ADCY3: variants seen among roughly 807,000 people sequenced by gnomAD.
The protein encoded by ADCY3 is adenylate cyclase 3, also known as adenylate cyclase type 3.
Under a neutral mutation model 119.4 loss-of-function variants are expected in ADCY3, and 70 were observed. The ratio of observed to expected loss-of-function variants is 0.59; its 90% CI spans 0.48 to 0.72. The LOEUF is 0.72. ADCY3 is among the 30% of genes least tolerant of loss of function. ADCY3 has a pLI of 0.00. For synonymous variants in ADCY3, 672 were observed against 621.4 expected (o/e 1.08, Z -1.21); for missense variants, 1,238 against 1,541.6 (o/e 0.80, Z 3.30).
Position 24,841,769 on chromosome 2 carries a change from G to A in ADCY3, c.957-102C>T. On this transcript the variant is annotated intron_variant, in intron 4 of 21. Coordinates refer to ENST00000679454, the MANE Select transcript of ADCY3 (RefSeq NM_004036.5). The surrounding 1 kb of genome is among the most constrained non-coding windows in gnomAD (Gnocchi z 5.8). The stretch of plus-strand genomic sequence containing the variant: ...AACCCACAGGGCAGCCAGGATCAGG[G>A]CAGGAGAAGGTCCTCCCTCACGACC... The A allele has an allele frequency of 1.2e-6, 1 of 835,792 alleles. No homozygotes were observed. The allele number at this position is 835,792 out of a possible 1,614,324, so 51.8% of individuals were successfully genotyped here.
intron 3 of ADCY3, among the ~76,000 whole-genome samples, chr2:24,861,695 A>G (rs1388719793): frequency 6.6e-6 from 1 of 152,198 alleles, no homozygotes; most frequent in Non-Finnish European, 1.5e-5. Context: ...ATCAGCCCAG[A>G]GCCCACGCCA....
At chr2:24,914,549 C>T (rs1664203239) in intron 2 of ADCY3, among the ~76,000 whole-genome samples, 1 of 152,076 alleles carries the variant, frequency 6.6e-6, no homozygotes, top group African/African-American at 2.4e-5. Flanking sequence ...GTGGCGGCCA[C>T]CTGTAATCCC....
At chr2:24,862,800 C>CA (rs1475484697) in intron 3 of ADCY3, among the ~76,000 whole-genome samples, 1 of 151,830 alleles carries the variant, frequency 6.6e-6, no homozygotes, top group Non-Finnish European at 1.5e-5. Flanking sequence ...AATTATTTTT[C>CA]AAAAAAAGTC....
chr2:24,872,162 G>C lies in ADCY3; in HGVS notation c.825+408C>G, dbSNP rs796551045. Among the ~76,000 whole-genome samples, 11 of 152,352 alleles carry C rather than the reference G, an allele frequency of 7.2e-5. No homozygotes were observed. The highest frequency in any genetic ancestry group is 2.6e-4 in the African/African-American group (11 of 41,584). On this transcript the variant is annotated intron_variant, in intron 3 of 21. Transcript: ENST00000679454. The surrounding 1 kb of genome is among the most constrained non-coding windows in gnomAD (Gnocchi z 4.4). Reference sequence around the variant, plus strand: ...GGTTGGACCAGCAAGAGTGGTGGTGGAGGCGTGACGTGAAGGAATGCCCGT... The same window carrying C: ...GGTTGGACCAGCAAGAGTGGTGGTGCAGGCGTGACGTGAAGGAATGCCCGT...
At chr2:24,896,619 C>T (rs1316012632) in intron 2 of ADCY3, among the ~76,000 whole-genome samples, 3 of 151,948 alleles carry the variant, frequency 2.0e-5, no homozygotes, top group African/African-American at 7.3e-5. Context: ...CCTGTGTTGG[C>T]TCTATCCTGT....
At chr2:24,897,297 T>C (rs75449421) in intron 2 of ADCY3, among the ~76,000 whole-genome samples, 4,509 of 151,448 alleles carry the variant, frequency 0.03, 205 homozygotes, top group African/African-American at 0.1. Flanking sequence ...CTCTCTCTCT[T>C]TGTCTCTCTC....
intron 2 of ADCY3, among the ~76,000 whole-genome samples, chr2:24,913,863 GCTCC>G (rs1664102537): frequency 6.6e-6 from 1 of 152,170 alleles, no homozygotes; most frequent in Non-Finnish European, 1.5e-5. Flanking sequence ...AGAGAATTTT[GCTCC>G]CAAATAGCCT....
At chr2:24,893,954 G>T (rs1343614460) in intron 2 of ADCY3, among the ~76,000 whole-genome samples, 1 of 152,082 alleles carries the variant, frequency 6.6e-6, no homozygotes, top group Non-Finnish European at 1.5e-5. Context: ...TATCAATATG[G>T]CTATATTTAA....
chr2:24,825,984 G>C, intron 16 of ADCY3, 61 bp downstream of exon 16: 2 of 1,532,848 alleles, frequency 1.3e-6, no homozygotes, highest in Non-Finnish European at 1.8e-6. Context: ...TCCCAGGGCT[G>C]CTTCTCAGGA....
chr2:24,838,660 A>C (rs762174472), intron 7 of ADCY3, 38 bp from the exon 8 acceptor site: 2 of 1,610,626 alleles, frequency 1.2e-6, no homozygotes, highest in African/African-American at 2.7e-5. Flanking sequence ...CGTCGGCCAG[A>C]GGTGGCCCTC....
At chr2:24,823,449 C>T (rs1668089061) in intron 17 of ADCY3, 94 bp from the exon 18 acceptor site, 2 of 1,398,354 alleles carry the variant, frequency 1.4e-6, no homozygotes, top group Non-Finnish European at 1.9e-6. Context: ...ATGACATGTG[C>T]ACTCAGCTTT....
chr2:24,902,058 G>GTA (rs1197594258), intron 2 of ADCY3, among the ~76,000 whole-genome samples: 1 of 146,720 alleles, frequency 6.8e-6, no homozygotes, highest in Non-Finnish European at 1.5e-5. Context: ...GTGTGTGTGT[G>GTA]TGTGTGTGTG....
rs952525354 is a variant in ADCY3 at position 24,819,283 on chromosome 2, A to G, written c.*649T>C. 2 of 152,696 alleles carry G rather than the reference A, an allele frequency of 1.3e-5. No homozygotes were observed. The highest frequency in any genetic ancestry group is 1.9e-4 in the East Asian group (1 of 5,208). 9.5% of individuals were successfully genotyped at this position (152,696 alleles called of 1,614,324 possible). A position where few individuals can be genotyped will look rare whatever the true frequency, so the allele number is the denominator to read the frequency against. On this transcript the variant is annotated 3_prime_UTR_variant, in exon 22 of 22. Transcript: ENST00000679454. ...GCAAGAGCTCAAAAGGCAAGGCAAT[A>G]TCGGAAAGTGTATTTAACAGAAGAT... is the stretch of plus-strand genomic sequence containing the variant.
chr2:24,844,712 T>C (rs1252503379), intron 3 of ADCY3, among the ~76,000 whole-genome samples: 1 of 152,182 alleles, frequency 6.6e-6, no homozygotes, highest in East Asian at 1.9e-4. Flanking sequence ...TGTGGCTTCA[T>C]GGGGAGAATT....
chr2:24,851,431 G>A (rs751072762), intron 3 of ADCY3, among the ~76,000 whole-genome samples: 20 of 152,192 alleles, frequency 1.3e-4, no homozygotes, highest in African/African-American at 4.1e-4. Flanking sequence ...GCATCAACCC[G>A]GTATTATTTA....
chr2:24,894,613 A>G (rs1303772796), intron 2 of ADCY3, among the ~76,000 whole-genome samples: 1 of 152,116 alleles, frequency 6.6e-6, no homozygotes, highest in Non-Finnish European at 1.5e-5. Context: ...TACCTTGTTT[A>G]TATTTTTGCT....
chr2:24,869,612 C>G (rs1312433563), intron 3 of ADCY3, among the ~76,000 whole-genome samples: 2 of 152,026 alleles, frequency 1.3e-5, no homozygotes, highest in African/African-American at 2.4e-5. Context: ...CGCTTTGTTG[C>G]TCAGGCTGGT....
chr2:24,819,851 A>G lies in ADCY3; in HGVS notation c.*81T>C. The G allele has an allele frequency of 6.8e-7, 1 of 1,460,262 alleles. No homozygotes were observed. The highest frequency in any genetic ancestry group is 9.3e-7 in the Non-Finnish European group (1 of 1,071,300). The allele number at this position is 1,460,262 out of a possible 1,614,324, so 90.5% of individuals were successfully genotyped here. ...CTAAAGTCCATGAGTGTGCACTTCA[A>G]TCCAGGAAGGTCGGGACTTCCTTCA... is the stretch of plus-strand genomic sequence containing the variant. On this transcript the variant is annotated 3_prime_UTR_variant, in exon 22 of 22. Coordinates refer to ENST00000679454, the MANE Select transcript of ADCY3 (RefSeq NM_004036.5).
chr2:24,847,888 T>A (rs550365645), intron 3 of ADCY3, among the ~76,000 whole-genome samples: 2 of 152,286 alleles, frequency 1.3e-5, no homozygotes, highest in South Asian at 4.1e-4. Context: ...CAGCACCCAC[T>A]GGGCTGGGGC....
Sources: gnomAD v4.1 joint callset for allele counts (sites outside exome capture counted in the v4.1 genomes callset) on GRCh38, gnomAD v4.1.1 for gene constraint, Gnocchi (gnomAD v3.1) non-coding constraint, MANE v1.5 for transcripts, NCBI Gene and HGNC (gene_info 2026-07-23, HGNC 2026-07-21) for gene names.